The following RBM6 variants were observed in gnomAD, a reference collection of about 807,000 sequenced individuals.
The protein encoded by RBM6 is RNA-binding protein 6.
RBM6 carries 23 observed loss-of-function variants against 140.4 expected under a neutral mutation model. The observed-to-expected ratio is 0.16, with a 90% CI of 0.12 to 0.23. The LOEUF (loss-of-function observed/expected upper bound fraction) is 0.23. RBM6 is among the 10% of genes least tolerant of loss of function. The pLI is 1.00. For synonymous variants in RBM6, 439 were observed against 475.6 expected (o/e 0.92, Z 1.00); for missense variants, 1,139 against 1,386.7 (o/e 0.82, Z 2.84).
chr3:50,023,559 A>G (rs1041913236), intron 6 of RBM6, among the ~76,000 whole-genome samples: 1 of 152,098 alleles, frequency 6.6e-6, no homozygotes, highest in African/African-American at 2.4e-5. Flanking sequence ...GGGTGCTTAC[A>G]GAGGTCTAGT....
In RBM6 at chr3:50,017,644, G is replaced by A. The variant is rs188538467; in HGVS notation, c.1557+18131G>A. On this transcript the variant is annotated intron_variant, in intron 6 of 20. Coordinates refer to ENST00000266022, the MANE Select transcript of RBM6 (RefSeq NM_005777.3). The stretch of plus-strand genomic sequence containing the variant: ...TAGGGTTATTTGTTTTCATTATTGA[G>A]TAGTTTGAGTTCTTTGTACATTTTG... Among the ~76,000 whole-genome samples the A allele has an allele frequency of 5.4e-4, 82 of 151,974 alleles. No individual in the cohort carries two copies. In the East Asian group the frequency reaches 0.014, roughly 25 times the overall value.
intron 15 of RBM6, among the ~76,000 whole-genome samples, chr3:50,063,025 C>T (rs929139145): frequency 6.6e-6 from 1 of 151,638 alleles, no homozygotes; most frequent in South Asian, 2.1e-4. Context: ...TCCCAAGTAG[C>T]GGGGACTACA....
chr3:50,050,224 A>G (rs1389917636), intron 7 of RBM6, among the ~76,000 whole-genome samples: 1 of 151,826 alleles, frequency 6.6e-6, no homozygotes, highest in East Asian at 1.9e-4. Context: ...GTAACTTCCC[A>G]CTTCTTCTTC....
chr3:50,009,709 C>G (rs899631885), intron 6 of RBM6, among the ~76,000 whole-genome samples: 1 of 151,784 alleles, frequency 6.6e-6, no homozygotes, highest in Non-Finnish European at 1.5e-5. Context: ...AGGTGTGCGC[C>G]ACCACACCTG....
intron 1 of RBM6, among the ~76,000 whole-genome samples, chr3:49,946,830 C>A (rs1166597094): frequency 6.6e-6 from 1 of 150,700 alleles, no homozygotes; most frequent in East Asian, 1.9e-4. Flanking sequence ...CCATCTCACC[C>A]GGCCTATTTT....
rs565752340 is a variant in RBM6, at chr3:49,950,530, G to A, written c.-67+10305G>A. Among the ~76,000 whole-genome samples, 7 of 152,184 alleles carry A rather than the reference G, an allele frequency of 4.6e-5. No individual in the cohort carries two copies. In the South Asian group the frequency reaches 1.5e-3, roughly 32 times the overall value. ...CAGCACTTTGGGAGGCCAAGGTGTG[G>A]GATCATTTGAGGTCAGGAGTTCAAG... On this transcript the variant is annotated intron_variant, in intron 1 of 20. Transcript: ENST00000266022.
intron 3 of RBM6, among the ~76,000 whole-genome samples, chr3:49,971,284 C>T (rs1384545274): frequency 7.8e-6 from 1 of 128,786 alleles, no homozygotes; most frequent in Non-Finnish European, 1.7e-5. Context: ...AAAAAAAAAA[C>T]GAAAACCAAA....
chr3:49,995,927 C>G (rs1221347083), intron 5 of RBM6, among the ~76,000 whole-genome samples: 3 of 152,156 alleles, frequency 2.0e-5, no homozygotes, highest in African/African-American at 7.2e-5. Flanking sequence ...CTGATTATCC[C>G]ACTATAGCAA....
At chr3:49,979,736 C>T (rs1201062606) in intron 5 of RBM6, among the ~76,000 whole-genome samples, 1 of 152,058 alleles carries the variant, frequency 6.6e-6, no homozygotes, top group Non-Finnish European at 1.5e-5. Context: ...CCACTGTGCC[C>T]AGCCAGCTTA....
chr3:49,959,495 G>A (rs1183625469), intron 1 of RBM6, among the ~76,000 whole-genome samples: 6 of 150,858 alleles, frequency 4.0e-5, no homozygotes, highest in South Asian at 4.2e-4. Flanking sequence ...CGCCTCGCCC[G>A]GCCAATGTTT....
intron 6 of RBM6, among the ~76,000 whole-genome samples, chr3:50,024,780 C>T (rs1190193917): frequency 2.0e-5 from 3 of 152,118 alleles, no homozygotes; most frequent in South Asian, 2.1e-4. Flanking sequence ...GGTGAAACCC[C>T]GTCTCTACTA....
chr3:50,031,500 A>G (rs895153260), intron 6 of RBM6, among the ~76,000 whole-genome samples: 6 of 150,108 alleles, frequency 4.0e-5, no homozygotes, highest in Non-Finnish European at 7.4e-5. Flanking sequence ...CGGACACCAC[A>G]TGTTCTCACT....
At chr3:50,027,516 C>T (rs979263153) in intron 6 of RBM6, among the ~76,000 whole-genome samples, 2 of 152,148 alleles carry the variant, frequency 1.3e-5, no homozygotes, top group Admixed American at 6.6e-5. Context: ...CTTCTCTACC[C>T]CCAGTCATCT....
intron 5 of RBM6, among the ~76,000 whole-genome samples, chr3:49,993,831 A>G (rs992865762): frequency 1.3e-5 from 2 of 152,072 alleles, no homozygotes; most frequent in Non-Finnish European, 1.5e-5. Context: ...AATCCCAGCT[A>G]TTCGGGAGCC....
intron 6 of RBM6, among the ~76,000 whole-genome samples, chr3:50,010,753 A>G (rs2086802755): frequency 6.6e-6 from 1 of 151,596 alleles, no homozygotes; most frequent in Admixed American, 6.6e-5. Context: ...AAATACGAAA[A>G]TTAGCCCAGC....
intron 1 of RBM6, among the ~76,000 whole-genome samples, chr3:49,958,892 T>C (rs965414059): frequency 8.7e-5 from 13 of 149,942 alleles, no homozygotes; most frequent in Non-Finnish European, 1.0e-4. Context: ...CCACTCCAAG[T>C]TGAAGCGATA....
Position 49,999,511 on chromosome 3 carries a change from C to A in RBM6, c.1555C>A (p.Gln519Lys). Residue 519 changes from glutamine (Q) to lysine (K), a missense_variant and splice_region_variant, in exon 6 of 21, where the codon CAG becomes AAG. Transcript: ENST00000266022. The part of the protein sequence containing the change: ...EDAIGCMEAN[Q>K]GTLMIQDKEV... ...TGCCATCGGATGCATGGAGGCCAAC[C>A]AGGTTGCTTTATACTTCGGTCAAAT... The A allele has an allele frequency of 1.9e-6, 3 of 1,611,288 alleles. No homozygotes were observed. The highest frequency in any genetic ancestry group is 2.5e-6 in the Non-Finnish European group (3 of 1,177,576).
At chr3:50,064,119 G>C (rs937171797) in intron 15 of RBM6, among the ~76,000 whole-genome samples, 1 of 151,924 alleles carries the variant, frequency 6.6e-6, no homozygotes, top group Admixed American at 6.5e-5. Context: ...TTTTAGTAGA[G>C]ACGCGGTTTC....
intron 6 of RBM6, among the ~76,000 whole-genome samples, chr3:50,041,185 G>A (rs945184627): frequency 1.3e-5 from 2 of 152,222 alleles, no homozygotes; most frequent in South Asian, 4.1e-4. Flanking sequence ...TGACAGGGCA[G>A]TGTCTTCATG....
Sources: gnomAD v4.1 joint callset for allele counts (sites outside exome capture counted in the v4.1 genomes callset) on GRCh38, gnomAD v4.1.1 for gene constraint, MANE v1.5 for transcripts, NCBI Gene and HGNC (gene_info 2026-07-23, HGNC 2026-07-21) for gene names.